BTBD9: variants seen among roughly 807,000 people sequenced by gnomAD.
BTBD9 encodes the protein BTB/POZ domain-containing protein 9.
A neutral mutation model predicts 64.3 loss-of-function variants in BTBD9; 49 were observed. The observed-to-expected ratio is 0.76, with a 90% CI of 0.61 to 0.97. BTBD9 has a LOEUF of 0.97. Ranked by LOEUF, BTBD9 falls within the 50% of genes least tolerant of loss-of-function variation. The probability of loss-of-function intolerance (pLI) is 0.00; values close to 1 mark genes in which losing one functional copy is unlikely to be tolerated. For missense variants in BTBD9, 598 were observed against 762.1 expected (o/e 0.78, Z 2.53); for synonymous variants, 260 against 274.7 (o/e 0.95, Z 0.53).
At chr6:38,177,236 CCTT>C (rs746593682) in intron 10 of BTBD9, among the ~76,000 whole-genome samples, 15 of 152,218 alleles carry the variant, frequency 9.9e-5, no homozygotes, top group Non-Finnish European at 1.3e-4. Context: ...TTGTCCTACT[CCTT>C]ATTACCTTTT....
chr6:38,337,756 C>T (rs1289215755), intron 7 of BTBD9, among the ~76,000 whole-genome samples: 1 of 152,206 alleles, frequency 6.6e-6, no homozygotes, highest in African/African-American at 2.4e-5. Context: ...TGCCAGGAAT[C>T]TGTTTTCTTT....
chr6:38,426,597 G>A (rs781565092), intron 6 of BTBD9, among the ~76,000 whole-genome samples: 11 of 151,848 alleles, frequency 7.2e-5, no homozygotes, highest in African/African-American at 2.2e-4. Context: ...CAGGGTGTCC[G>A]CTGTGCTCCT....
intron 6 of BTBD9, among the ~76,000 whole-genome samples, chr6:38,543,586 G>A (rs1014506798): frequency 6.6e-6 from 1 of 152,010 alleles, no homozygotes; most frequent in Non-Finnish European, 1.5e-5. Context: ...TTGCAGGTTG[G>A]CATGCCATGA....
chr6:38,388,686 A>G (rs1215630750), intron 6 of BTBD9, among the ~76,000 whole-genome samples: 3 of 152,254 alleles, frequency 2.0e-5, no homozygotes, highest in Non-Finnish European at 4.4e-5. Flanking sequence ...GACAGTGTCC[A>G]TCAATCCTTT....
At chr6:38,218,522 G>C (rs1158465480) in intron 9 of BTBD9, among the ~76,000 whole-genome samples, 1 of 152,220 alleles carries the variant, frequency 6.6e-6, no homozygotes, top group Non-Finnish European at 1.5e-5. Context: ...GGACCTGCCA[G>C]ATGTCCCCTG....
At chr6:38,464,939 T>C (rs1389007626) in intron 6 of BTBD9, among the ~76,000 whole-genome samples, 8 of 152,212 alleles carry the variant, frequency 5.3e-5, no homozygotes, top group Non-Finnish European at 2.9e-5. Flanking sequence ...ATTCCTTAAA[T>C]GTTTAGCAGA....
intron 9 of BTBD9, among the ~76,000 whole-genome samples, chr6:38,204,821 C>T (rs1762578433): frequency 6.6e-6 from 1 of 151,400 alleles, no homozygotes; most frequent in Non-Finnish European, 1.5e-5. Context: ...GTTCAGTAAG[C>T]AGAATACAGC....
chr6:38,243,441 C>G (rs1385060308), intron 9 of BTBD9, among the ~76,000 whole-genome samples: 1 of 149,232 alleles, frequency 6.7e-6, no homozygotes, highest in East Asian at 1.9e-4. Flanking sequence ...AGTACAGCAA[C>G]AGACGTAGAG....
At chr6:38,396,998 T>C (rs923256695) in intron 6 of BTBD9, among the ~76,000 whole-genome samples, 5 of 149,374 alleles carry the variant, frequency 3.3e-5, no homozygotes, top group Non-Finnish European at 7.4e-5. Flanking sequence ...GCCTCCTGGG[T>C]TCAAGTGATT....
At chr6:38,479,854 G>A (rs1400954513) in intron 6 of BTBD9, among the ~76,000 whole-genome samples, 1 of 152,114 alleles carries the variant, frequency 6.6e-6, no homozygotes, top group Admixed American at 6.6e-5. Flanking sequence ...TCAGCCTCCT[G>A]AGTAGCTGGG....
Position 38,470,305 on chromosome 6 carries a change from A to G in BTBD9, c.1154+107295T>C, listed in dbSNP as rs141148383. Among the ~76,000 whole-genome samples the G allele has an allele frequency of 2.4e-3, 364 of 152,346 alleles. 1 individual carries two copies. The highest frequency in any genetic ancestry group is 8.6e-3 in the African/African-American group (356 of 41,582). On this transcript the variant is annotated intron_variant, in intron 6 of 10. Transcript: ENST00000481247. ...GAAATGCAGTCCAATCTTCACATTT[A>G]TCATCCTGGCCAGTACAGGCCTGTG...
In BTBD9 at chr6:38,601,176, C is replaced by T. The variant is rs1186790147; in HGVS notation, c.-27-3055G>A. On this transcript the variant is annotated intron_variant, in intron 1 of 10. Transcript: ENST00000481247. ...ACTAAGCAACCTGGAAAAACAGCCA[C>T]TGATTTAGACTCTATATTGTTGTAG... is the stretch of plus-strand genomic sequence containing the variant. Among the ~76,000 whole-genome samples, 6 of 152,164 alleles carry T rather than the reference C, an allele frequency of 3.9e-5. No individual in the cohort carries two copies. In the East Asian group the frequency reaches 1.2e-3, roughly 29 times the overall value.
intron 6 of BTBD9, among the ~76,000 whole-genome samples, chr6:38,569,614 C>A (rs1458590969): frequency 6.6e-6 from 1 of 151,988 alleles, no homozygotes; most frequent in Non-Finnish European, 1.5e-5. Flanking sequence ...TTATAAAATA[C>A]AATGCAAAGG....
chr6:38,493,985 A>G (rs1010633218), intron 6 of BTBD9, among the ~76,000 whole-genome samples: 1 of 152,268 alleles, frequency 6.6e-6, no homozygotes, highest in African/African-American at 2.4e-5. Flanking sequence ...ACTGTCATTC[A>G]AACAAGTTTC....
intron 6 of BTBD9, among the ~76,000 whole-genome samples, chr6:38,514,290 C>G (rs1324347708): frequency 1.3e-5 from 2 of 152,220 alleles, no homozygotes; most frequent in African/African-American, 4.8e-5. Flanking sequence ...AGACATCGTA[C>G]TGCTATTATT....
At chr6:38,530,655 T>A (rs977330858) in intron 6 of BTBD9, among the ~76,000 whole-genome samples, 5 of 151,902 alleles carry the variant, frequency 3.3e-5, no homozygotes, top group African/African-American at 1.2e-4. Context: ...CAGAGACCAA[T>A]CCTGGAGAGA....
At position 38,608,163 on chromosome 6, in the gene BTBD9, A is replaced by C. The variant is rs151123303; in HGVS notation, c.-27-10042T>G. 2.2e-3 allele frequency among the ~76,000 whole-genome samples: 340 copies of C among 152,234 alleles called. 6 individuals carry two copies. In the East Asian group the frequency reaches 0.037, roughly 17 times the overall value. On this transcript the variant is annotated intron_variant, in intron 1 of 10. Coordinates refer to ENST00000481247, the MANE Select transcript of BTBD9 (RefSeq NM_001099272.2). ...TCCCTATAAGGCAATCTCCCATAAA[A>C]TAAGATGACTTTTAGGAATGACAAG... is the stretch of plus-strand genomic sequence containing the variant.
chr6:38,466,290 T>TCC (rs1562225790), intron 6 of BTBD9, among the ~76,000 whole-genome samples: 10 of 122,756 alleles, frequency 8.1e-5, no homozygotes, highest in African/African-American at 2.6e-4. Context: ...TTCCTTTTTT[T>TCC]TTTTTTTTTT....
chr6:38,238,913 G>A (rs1028461617), intron 9 of BTBD9, among the ~76,000 whole-genome samples: 1 of 152,156 alleles, frequency 6.6e-6, no homozygotes, highest in Non-Finnish European at 1.5e-5. Context: ...AAAGGGAAGA[G>A]GGTATAATGA....
Sources: gnomAD v4.1 joint callset for allele counts (sites outside exome capture counted in the v4.1 genomes callset) on GRCh38, gnomAD v4.1.1 for gene constraint, MANE v1.5 for transcripts, NCBI Gene and HGNC (gene_info 2026-07-23, HGNC 2026-07-21) for gene names.